Variants in SESTD1 observed in about 807,000 individuals in gnomAD.
SESTD1 encodes SEC14 and spectrin domain containing 1.
A neutral mutation model predicts 101.7 loss-of-function variants in SESTD1; 43 were observed. The ratio of observed to expected loss-of-function variants is 0.42; its 90% CI spans 0.33 to 0.55. The LOEUF is 0.55. Among genes scored for constraint, SESTD1 ranks in the 20% least tolerant of loss-of-function variants. The pLI, the probability that SESTD1 is intolerant of heterozygous loss-of-function variation, is 0.07. For synonymous variants in SESTD1, 283 were observed against 286.8 expected, an observed-to-expected ratio of 0.99 and a Z score of 0.13; for missense variants, 647 against 815.1, an observed-to-expected ratio of 0.79 and a Z score of 2.51.
intron 1 of SESTD1, among the ~76,000 whole-genome samples, chr2:179,197,167 A>C (rs917466147): frequency 6.6e-6 from 1 of 152,202 alleles, no homozygotes; most frequent in East Asian, 1.9e-4. Flanking sequence ...AGAAAGAAGA[A>C]GCCTCAGGAG....
intron 1 of SESTD1, among the ~76,000 whole-genome samples, chr2:179,229,775 A>ATATATATATATATAT (rs2046952608): frequency 8.6e-6 from 1 of 116,458 alleles, no homozygotes; most frequent in South Asian, 3.3e-4. Context: ...ATATATATAT[A>ATATATATATATATAT]CTCAAATACA....
chr2:179,240,187 T>C (rs1454237272), intron 1 of SESTD1, among the ~76,000 whole-genome samples: 2 of 152,072 alleles, frequency 1.3e-5, no homozygotes, highest in Non-Finnish European at 2.9e-5. Context: ...ACAGGAGTAG[T>C]TGGAAGAGGA....
intron 7 of SESTD1, among the ~76,000 whole-genome samples, chr2:179,148,102 C>G (rs2045436231): frequency 6.6e-6 from 1 of 152,182 alleles, no homozygotes; most frequent in South Asian, 2.1e-4. Flanking sequence ...TTTGTTTTCA[C>G]AGTTTGACTT....
intron 1 of SESTD1, among the ~76,000 whole-genome samples, chr2:179,253,239 A>AAAC (rs2047344391): frequency 2.0e-5 from 3 of 152,036 alleles, no homozygotes; most frequent in South Asian, 2.1e-4. Context: ...AACAAACAAA[A>AAAC]AAAAAACACC....
At chr2:179,217,442 G>A (rs545131005) in intron 1 of SESTD1, among the ~76,000 whole-genome samples, 8 of 152,248 alleles carry the variant, frequency 5.3e-5, no homozygotes, top group South Asian at 2.1e-4. Flanking sequence ...ACCATCTCAC[G>A]CCAGTTAGAA....
chr2:179,147,570 C>G (rs1409075626), intron 7 of SESTD1, among the ~76,000 whole-genome samples: 1 of 152,130 alleles, frequency 6.6e-6, no homozygotes, highest in South Asian at 2.1e-4. Context: ...CCATGTTGGC[C>G]AGGATGGTCT....
intron 1 of SESTD1, among the ~76,000 whole-genome samples, chr2:179,202,463 GCTTTT>G (rs1327478512): frequency 7.5e-6 from 1 of 133,730 alleles, no homozygotes; most frequent in East Asian, 2.0e-4. Flanking sequence ...CGGACCCTTG[GCTTTT>G]CTTGATATGT....
At chr2:179,201,218 A>G (rs2046506897) in intron 1 of SESTD1, among the ~76,000 whole-genome samples, 2 of 134,002 alleles carry the variant, frequency 1.5e-5, no homozygotes, top group African/African-American at 6.0e-5. Context: ...CAAAACCACA[A>G]TGAGATACCA....
At chr2:179,153,227 A>G (rs115838147) in intron 5 of SESTD1, among the ~76,000 whole-genome samples, 181 of 152,326 alleles carry the variant, frequency 1.2e-3, no homozygotes, top group Non-Finnish European at 2.4e-3. Context: ...GAAGTGAATC[A>G]TTAGATTCTT....
At chr2:179,157,235 T>C (rs2045649462) in intron 5 of SESTD1, among the ~76,000 whole-genome samples, 1 of 152,046 alleles carries the variant, frequency 6.6e-6, no homozygotes, top group Admixed American at 6.6e-5. Context: ...CACAAACAAA[T>C]GGAAACACAT....
chr2:179,214,477 C>G lies in SESTD1; in HGVS notation c.-25-22611G>C, dbSNP rs954926424. Among the ~76,000 whole-genome samples, 2 of 133,874 alleles carry G rather than the reference C, an allele frequency of 1.5e-5. 1 individual carries two copies. The highest frequency in any genetic ancestry group is 6.0e-5 in the African/African-American group (2 of 33,586). 87.8% of individuals were successfully genotyped at this position (133,874 alleles called of 152,430 possible). A position where few individuals can be genotyped will look rare whatever the true frequency, so the allele number is the denominator to read the frequency against. On this transcript the variant is annotated intron_variant, in intron 1 of 17. Coordinates refer to ENST00000428443, the MANE Select transcript of SESTD1 (RefSeq NM_178123.5). ...ATATATGCACCCAATACAGGAGCAC[C>G]CAGATTCATAAAGCAAATCCTTAGA...
chr2:179,197,050 G>C (rs2046410043), intron 1 of SESTD1, among the ~76,000 whole-genome samples: 1 of 151,970 alleles, frequency 6.6e-6, no homozygotes, highest in South Asian at 2.1e-4. Context: ...CAAAGAAGTT[G>C]AAAACTTTGA....
chr2:179,191,061 A>G (rs2046312550), intron 2 of SESTD1, among the ~76,000 whole-genome samples: 1 of 152,212 alleles, frequency 6.6e-6, no homozygotes, highest in Non-Finnish European at 1.5e-5. Context: ...TCAATCCAGC[A>G]ATCCCATTAC....
chr2:179,244,215 G>C (rs1364007518), intron 1 of SESTD1, among the ~76,000 whole-genome samples: 2 of 152,094 alleles, frequency 1.3e-5, no homozygotes, highest in East Asian at 3.9e-4. Context: ...CCAGCACTTT[G>C]TGAGGCCAAG....
At chr2:179,235,332 A>G (rs1269402860) in intron 1 of SESTD1, among the ~76,000 whole-genome samples, 1 of 152,174 alleles carries the variant, frequency 6.6e-6, no homozygotes, top group Non-Finnish European at 1.5e-5. Context: ...AAAATATGAA[A>G]CCAAATATGG....
chr2:179,146,438 G>A lies in SESTD1; in HGVS notation c.601C>T (p.Leu201Phe), dbSNP rs1263336188. ...EKERSVDLNF[L>F]PSVDPETVLQ... is the part of the protein sequence containing the mutation. ...ACTGTTTCAGGATCAACCGATGGAA[G>A]AAAGTTTAAATCCACAGACCTGGAA... The change falls in exon 8 of 18, where the codon CTT becomes TTT. Residue 201 changes from leucine to phenylalanine, a missense_variant. Physicochemically the swap from Leu to Phe is conservative, Grantham distance 22 (BLOSUM62 0). Coordinates refer to ENST00000428443, the MANE Select transcript of SESTD1 (RefSeq NM_178123.5). 2 of 1,612,982 alleles carry A rather than the reference G, an allele frequency of 1.2e-6. No individual in the cohort carries two copies. The highest frequency in any genetic ancestry group is 1.3e-5 in the African/African-American group (1 of 74,846).
intron 9 of SESTD1, among the ~76,000 whole-genome samples, chr2:179,141,779 G>A (rs1357986525): frequency 6.6e-6 from 1 of 152,060 alleles, no homozygotes; most frequent in Non-Finnish European, 1.5e-5. Context: ...TATGATTTTT[G>A]TACTGCTCTG....
chr2:179,186,684 ATTTT>A (rs35153936), intron 2 of SESTD1, among the ~76,000 whole-genome samples: 5 of 118,640 alleles, frequency 4.2e-5, no homozygotes, highest in Non-Finnish European at 3.5e-5. Context: ...TTTTCAGGGA[ATTTT>A]TTTTTTTTTT....
intron 10 of SESTD1, among the ~76,000 whole-genome samples, chr2:179,128,783 A>G (rs1484386336): frequency 6.6e-6 from 1 of 151,738 alleles, no homozygotes; most frequent in Admixed American, 6.6e-5. Context: ...TAGACTGCCT[A>G]GAACCTTAGG....
Sources: gnomAD v4.1 joint callset for allele counts (sites outside exome capture counted in the v4.1 genomes callset) on GRCh38, gnomAD v4.1.1 for gene constraint, MANE v1.5 for transcripts, NCBI Gene and HGNC (gene_info 2026-07-23, HGNC 2026-07-21) for gene names.